The following MIR2052HG variants were observed in gnomAD, a reference collection of about 807,000 sequenced individuals.
The protein encoded by MIR2052HG is MIR2052 host gene.
chr8:74,744,232 ATC>A (rs1809859196), intron 4 of MIR2052HG, among the ~76,000 whole-genome samples: 1 of 151,704 alleles, frequency 6.6e-6, no homozygotes, highest in Admixed American at 6.6e-5. Flanking sequence ...TATAATGAAA[ATC>A]TTTTTTTAAA....
intron 2 of MIR2052HG, among the ~76,000 whole-genome samples, chr8:74,621,797 G>A (rs772697229): frequency 5.5e-4 from 83 of 152,182 alleles, no homozygotes; most frequent in African/African-American, 1.9e-3. Context: ...CACGCTGTGG[G>A]GAAAGGACAA....
intron 2 of MIR2052HG, among the ~76,000 whole-genome samples, chr8:74,680,529 G>A (rs1014096408): frequency 7.2e-5 from 11 of 152,132 alleles, no homozygotes; most frequent in Non-Finnish European, 1.6e-4. Flanking sequence ...TCTCACACCA[G>A]TTAGAATGGC....
At chr8:74,656,004 C>T (rs1808802498) in intron 2 of MIR2052HG, among the ~76,000 whole-genome samples, 1 of 152,110 alleles carries the variant, frequency 6.6e-6, no homozygotes, top group Non-Finnish European at 1.5e-5. Flanking sequence ...TCATTTTGGA[C>T]CTTAAAATTT....
At chr8:74,702,303 T>A (rs549723991) in intron 2 of MIR2052HG, 7 of 331,096 alleles carry the variant, frequency 2.1e-5, no homozygotes, top group South Asian at 1.6e-4. Flanking sequence ...TATGCATAGT[T>A]ATATTGGATG....
intron 1 of MIR2052HG, among the ~76,000 whole-genome samples, chr8:74,601,542 A>C (rs1458247517): frequency 2.6e-5 from 4 of 152,232 alleles, no homozygotes; most frequent in African/African-American, 9.6e-5. Flanking sequence ...CATTTGCCCA[A>C]GGATCTTCTG....
intron 2 of MIR2052HG, among the ~76,000 whole-genome samples, chr8:74,628,143 A>G (rs943403009): frequency 6.6e-6 from 1 of 152,212 alleles, no homozygotes; most frequent in Non-Finnish European, 1.5e-5. Context: ...GTTCAAAATT[A>G]GAACAGATAC....
chr8:74,740,877 T>G (rs1472887745), intron 4 of MIR2052HG, among the ~76,000 whole-genome samples: 1 of 151,192 alleles, frequency 6.6e-6, no homozygotes, highest in Non-Finnish European at 1.5e-5. Context: ...ACAAAAACTC[T>G]TCTCTCTACC....
At chr8:74,692,254 C>T (rs1002196357) in intron 2 of MIR2052HG, among the ~76,000 whole-genome samples, 9 of 152,138 alleles carry the variant, frequency 5.9e-5, no homozygotes, top group Admixed American at 4.6e-4. Context: ...CTGCACCTGA[C>T]TAATTTTTAT....
At chr8:74,679,676 C>G (rs1479424548) in intron 2 of MIR2052HG, among the ~76,000 whole-genome samples, 1 of 151,856 alleles carries the variant, frequency 6.6e-6, no homozygotes, top group Non-Finnish European at 1.5e-5. Context: ...TCATCTGCCA[C>G]CACACCCGGC....
intron 1 of MIR2052HG, among the ~76,000 whole-genome samples, chr8:74,600,916 G>C (rs1479359245): frequency 6.6e-6 from 1 of 152,174 alleles, no homozygotes; most frequent in African/African-American, 2.4e-5. Context: ...GTGTATGGTA[G>C]AGTGAGAGAC....
intron 2 of MIR2052HG, among the ~76,000 whole-genome samples, chr8:74,682,290 G>T (rs372112714): frequency 6.6e-6 from 1 of 152,036 alleles, no homozygotes; most frequent in East Asian, 1.9e-4. Context: ...AATACAAGAA[G>T]AAAGATTGAT....
chr8:74,699,797 A>G (rs1305388167), intron 2 of MIR2052HG, among the ~76,000 whole-genome samples: 3 of 152,138 alleles, frequency 2.0e-5, no homozygotes, highest in Non-Finnish European at 4.4e-5. Context: ...TTTAAAAAAT[A>G]CAATTAAGTG....
intron 2 of MIR2052HG, among the ~76,000 whole-genome samples, chr8:74,665,096 G>A (rs554470900): frequency 2.6e-5 from 4 of 152,012 alleles, no homozygotes; most frequent in South Asian, 4.2e-4. Context: ...TGCTTTCCTC[G>A]TTTATTCTTC....
At chr8:74,628,144 G>A (rs532346133) in intron 2 of MIR2052HG, among the ~76,000 whole-genome samples, 1 of 152,136 alleles carries the variant, frequency 6.6e-6, no homozygotes, top group Admixed American at 6.5e-5. Flanking sequence ...TTCAAAATTA[G>A]AACAGATACC....
At chr8:74,679,465 G>A (rs764504688) in intron 2 of MIR2052HG, among the ~76,000 whole-genome samples, 2 of 151,582 alleles carry the variant, frequency 1.3e-5, no homozygotes, top group African/African-American at 2.4e-5. Flanking sequence ...TGGTGTATAT[G>A]TACCACATTT....
intron 4 of MIR2052HG, among the ~76,000 whole-genome samples, chr8:74,708,805 T>C (rs1809436410): frequency 6.6e-6 from 1 of 150,792 alleles, no homozygotes; most frequent in Admixed American, 6.6e-5. Flanking sequence ...AAAAAAAATT[T>C]AAATATTTTA....
intron 4 of MIR2052HG, among the ~76,000 whole-genome samples, chr8:74,714,960 G>A (rs1052997215): frequency 1.2e-4 from 19 of 152,018 alleles, no homozygotes; most frequent in Non-Finnish European, 1.9e-4. Flanking sequence ...GATTACAGGC[G>A]TGAGCCACAG....
intron 2 of MIR2052HG, among the ~76,000 whole-genome samples, chr8:74,695,168 A>G (rs1012974984): frequency 2.0e-5 from 3 of 152,236 alleles, no homozygotes; most frequent in Non-Finnish European, 2.9e-5. Flanking sequence ...TCCTTAAACA[A>G]CAAAACGATA....
chr8:74,621,259 G>A (rs575045212), intron 2 of MIR2052HG, among the ~76,000 whole-genome samples: 47 of 152,158 alleles, frequency 3.1e-4, no homozygotes, highest in South Asian at 2.5e-3. Context: ...ACATTTTCCT[G>A]TCTTCTTCTG....
Sources: gnomAD v4.1 joint callset for allele counts (sites outside exome capture counted in the v4.1 genomes callset) on GRCh38, gnomAD v4.1.1 for gene constraint, MANE v1.5 for transcripts, NCBI Gene and HGNC (gene_info 2026-07-23, HGNC 2026-07-21) for gene names.